The following CADM2 variants were observed in gnomAD, a reference collection of about 807,000 sequenced individuals.
CADM2 encodes the protein cell adhesion molecule 2.
Under a neutral mutation model 49.8 loss-of-function variants are expected in CADM2, and 12 were observed. That is an observed-to-expected ratio of 0.24 (90% CI 0.15 to 0.39). CADM2 has a LOEUF of 0.39. Ranked by LOEUF, CADM2 falls within the 10% of genes least tolerant of loss-of-function variation. The probability of loss-of-function intolerance (pLI) is 1.00; values close to 1 mark genes in which losing one functional copy is unlikely to be tolerated. For synonymous variants in CADM2, 214 were observed against 175.4 expected (o/e 1.22, Z -1.74); for missense variants, 378 against 492.3 (o/e 0.77, Z 2.20).
At chr3:85,884,217 C>A (rs1713236888) in intron 4 of CADM2, among the ~76,000 whole-genome samples, 1 of 152,166 alleles carries the variant, frequency 6.6e-6, no homozygotes, top group African/African-American at 2.4e-5. Flanking sequence ...GCGTGCTGAA[C>A]AAGTTAGAAG....
chr3:85,212,880 T>TAA (rs1559723868), intron 1 of CADM2, among the ~76,000 whole-genome samples: 1 of 89,054 alleles, frequency 1.1e-5, no homozygotes, highest in African/African-American at 4.6e-5. Context: ...CTTTCTTTCT[T>TAA]TCTTTCTCTT....
chr3:85,699,135 A>G (rs1310416488), intron 1 of CADM2, among the ~76,000 whole-genome samples: 1 of 152,078 alleles, frequency 6.6e-6, no homozygotes, highest in East Asian at 2.0e-4. Context: ...CTTTGACTCC[A>G]TGTCCCACAT....
chr3:85,508,393 A>G (rs931068121), intron 1 of CADM2, among the ~76,000 whole-genome samples: 1 of 152,204 alleles, frequency 6.6e-6, no homozygotes, highest in Non-Finnish European at 1.5e-5. Context: ...GTGAAGAGAC[A>G]GACAGTTTAG....
At chr3:86,049,668 G>A (rs948232640) in intron 8 of CADM2, among the ~76,000 whole-genome samples, 3 of 152,090 alleles carry the variant, frequency 2.0e-5, no homozygotes, top group Non-Finnish European at 4.4e-5. Flanking sequence ...TGGGGGGCAG[G>A]CATCAGAAGA....
chr3:85,289,780 C>T (rs1192487450), intron 1 of CADM2, among the ~76,000 whole-genome samples: 1 of 152,152 alleles, frequency 6.6e-6, no homozygotes, highest in Non-Finnish European at 1.5e-5. Context: ...TGTTAAACAA[C>T]CACTTTGTGC....
At chr3:84,959,850 A>T (rs2030284659) in intron 1 of CADM2, among the ~76,000 whole-genome samples, 182 bp downstream of exon 1, 1 of 151,658 alleles carries the variant, frequency 6.6e-6, no homozygotes, top group East Asian at 1.9e-4. Flanking sequence ...CGAATTTCTA[A>T]CACTGGCTCA....
intron 1 of CADM2, among the ~76,000 whole-genome samples, chr3:85,396,293 A>G (rs1020435762): frequency 6.6e-6 from 1 of 151,812 alleles, no homozygotes; most frequent in East Asian, 1.9e-4. Context: ...TTATTCATAT[A>G]TAATTATTTT....
intron 1 of CADM2, among the ~76,000 whole-genome samples, chr3:85,069,304 T>C (rs1207809133): frequency 6.6e-6 from 1 of 152,146 alleles, no homozygotes; most frequent in African/African-American, 2.4e-5. Flanking sequence ...TTTTGAGACA[T>C]TGTATTTGTT....
At chr3:85,320,087 C>T (rs771152394) in intron 1 of CADM2, among the ~76,000 whole-genome samples, 1 of 152,086 alleles carries the variant, frequency 6.6e-6, no homozygotes, top group African/African-American at 2.4e-5. Flanking sequence ...AGGAAGAGAA[C>T]ATTTGGCCCC....
In CADM2 at chr3:84,980,210, A is replaced by G. The variant is rs571767038; in HGVS notation, c.61+20542A>G. ...CCCCAGATGCCTGGCTTAGCTGCCA[A>G]CACAGTTGCTTTCGAGTCTGCCAGA... On this transcript the variant is annotated intron_variant, in intron 1 of 9. Coordinates refer to ENST00000383699, the MANE Select transcript of CADM2 (RefSeq NM_001167675.2). Among the ~76,000 whole-genome samples, 51 of 152,290 alleles carry G rather than the reference A, an allele frequency of 3.3e-4. No homozygotes were observed. In the Middle Eastern group the frequency reaches 0.01, roughly 30 times the overall value.
At chr3:85,424,346 CAT>C (rs1027344862) in intron 1 of CADM2, among the ~76,000 whole-genome samples, 1 of 151,166 alleles carries the variant, frequency 6.6e-6, no homozygotes, top group Non-Finnish European at 1.5e-5. Context: ...TCTATATAAA[CAT>C]ATATAAGAAT....
chr3:85,514,842 T>C (rs1037006618), intron 1 of CADM2, among the ~76,000 whole-genome samples: 38 of 152,232 alleles, frequency 2.5e-4, no homozygotes, highest in Admixed American at 7.2e-4. Flanking sequence ...AAGCAATGAT[T>C]TTACTTTTCC....
intron 1 of CADM2, among the ~76,000 whole-genome samples, chr3:85,698,598 G>A (rs1192221522): frequency 6.6e-6 from 1 of 152,086 alleles, no homozygotes; most frequent in African/African-American, 2.4e-5. Context: ...GAGAGGTGGG[G>A]TGGGAAGTTG....
intron 8 of CADM2, among the ~76,000 whole-genome samples, chr3:86,031,991 G>A (rs1173885249): frequency 6.6e-6 from 1 of 151,670 alleles, no homozygotes; most frequent in Admixed American, 6.6e-5. Flanking sequence ...TGAGTGGGGA[G>A]GATGTTGACG....
chr3:85,408,858 G>A (rs955554766), intron 1 of CADM2, among the ~76,000 whole-genome samples: 1 of 151,940 alleles, frequency 6.6e-6, no homozygotes, highest in Non-Finnish European at 1.5e-5. Flanking sequence ...TTTCCATAAA[G>A]TTTACAAATA....
intron 2 of CADM2, among the ~76,000 whole-genome samples, chr3:85,745,104 A>G (rs1357924088): frequency 6.6e-6 from 1 of 152,136 alleles, no homozygotes; most frequent in Non-Finnish European, 1.5e-5. Context: ...ATGCAGAGAA[A>G]GGAAAGAGTC....
At chr3:85,216,424 A>G (rs914611452) in intron 1 of CADM2, among the ~76,000 whole-genome samples, 2 of 149,958 alleles carry the variant, frequency 1.3e-5, no homozygotes, top group African/African-American at 2.4e-5. Context: ...ACATTATCCA[A>G]TGAAATTTAA....
intron 1 of CADM2, among the ~76,000 whole-genome samples, chr3:85,644,020 G>C (rs1261399072): frequency 6.6e-6 from 1 of 152,022 alleles, no homozygotes; most frequent in Non-Finnish European, 1.5e-5. Context: ...GGATATTTAA[G>C]ATTGAAAGAA....
At chr3:85,538,926 G>A (rs1299128317) in intron 1 of CADM2, among the ~76,000 whole-genome samples, 1 of 152,020 alleles carries the variant, frequency 6.6e-6, no homozygotes, top group Non-Finnish European at 1.5e-5. Context: ...ATTGTGTGGG[G>A]AGGCAGAAGA....
Sources: gnomAD v4.1 joint callset for allele counts (sites outside exome capture counted in the v4.1 genomes callset) on GRCh38, gnomAD v4.1.1 for gene constraint, MANE v1.5 for transcripts, NCBI Gene and HGNC (gene_info 2026-07-23, HGNC 2026-07-21) for gene names.